The following ALK variants were observed in gnomAD, a reference collection of about 807,000 sequenced individuals.
ALK encodes the protein ALK receptor tyrosine kinase, also known as ALK tyrosine kinase receptor.
Under a neutral mutation model 163.1 loss-of-function variants are expected in ALK, and 74 were observed. The observed-to-expected ratio is 0.45, with a 90% CI of 0.38 to 0.55. ALK has a LOEUF of 0.55. Among genes scored for constraint, ALK ranks in the 20% least tolerant of loss-of-function variants. The pLI, the probability that ALK is intolerant of heterozygous loss-of-function variation, is 0.00. For missense variants in ALK, 2,063 were observed against 2,105.3 expected (o/e 0.98, Z 0.39); for synonymous variants, 960 against 843.2 (o/e 1.14, Z -2.40).
intron 1 of ALK, among the ~76,000 whole-genome samples, chr2:29,860,776 T>C (rs1466687259): frequency 2.0e-5 from 3 of 151,936 alleles, no homozygotes; most frequent in Non-Finnish European, 4.4e-5. Context: ...GAACAACCAA[T>C]GAGTCAAAGA....
intron 3 of ALK, among the ~76,000 whole-genome samples, chr2:29,603,943 CT>C (rs896514922): frequency 6.6e-6 from 1 of 151,944 alleles, no homozygotes; most frequent in African/African-American, 2.4e-5. Context: ...TAATGAGACC[CT>C]TTTTTTTCCT....
chr2:29,684,292 A>G (rs1558440953), intron 3 of ALK, among the ~76,000 whole-genome samples: 1 of 152,212 alleles, frequency 6.6e-6, no homozygotes, highest in Non-Finnish European at 1.5e-5. Context: ...AGACAGCTCC[A>G]CATACTTTTA....
chr2:29,774,119 T>C (rs934677749), intron 1 of ALK, among the ~76,000 whole-genome samples: 7 of 152,254 alleles, frequency 4.6e-5, no homozygotes, highest in African/African-American at 1.7e-4. Flanking sequence ...GGCATTTATA[T>C]AATGCTATCT....
rs199653862 is a variant in ALK, at chr2:29,232,296, C to G, written c.2632+8G>C. The G allele has an allele frequency of 1.9e-6, 3 of 1,614,158 alleles. No individual in the cohort carries two copies. The highest frequency in any genetic ancestry group is 2.2e-5 in the East Asian group (1 of 44,888). ...GTTCTGGGAGAGGGCACGCTTGCAG[C>G]GCTTTACCTGCGGCTCCGGAATTGC... On this transcript the variant is annotated splice_region_variant and intron_variant, in intron 15 of 28. Transcript: ENST00000389048.
intron 1 of ALK, among the ~76,000 whole-genome samples, chr2:29,751,172 T>C (rs974273738): frequency 1.3e-5 from 2 of 151,006 alleles, no homozygotes; most frequent in African/African-American, 4.8e-5. Flanking sequence ...TTACCACGAA[T>C]GAAGCTTGCC....
intron 5 of ALK, among the ~76,000 whole-genome samples, chr2:29,369,033 G>A (rs1404818336): frequency 6.6e-6 from 1 of 152,178 alleles, no homozygotes; most frequent in African/African-American, 2.4e-5. Flanking sequence ...GAAGAGAAAA[G>A]ACTCTTCTCA....
chr2:29,898,802 G>C (rs1057052013), intron 1 of ALK, among the ~76,000 whole-genome samples: 6 of 152,186 alleles, frequency 3.9e-5, no homozygotes, highest in African/African-American at 1.4e-4. Context: ...AGTTTACAGT[G>C]AGGAAGAAGA....
At chr2:29,716,627 T>C (rs1679263042) in intron 2 of ALK, among the ~76,000 whole-genome samples, 1 of 152,098 alleles carries the variant, frequency 6.6e-6, no homozygotes, top group Non-Finnish European at 1.5e-5. Flanking sequence ...GGGGAAGAAG[T>C]CTGGCTTGGT....
intron 1 of ALK, among the ~76,000 whole-genome samples, chr2:29,747,074 G>A (rs768476404): frequency 6.6e-6 from 1 of 152,184 alleles, no homozygotes; most frequent in Non-Finnish European, 1.5e-5. Flanking sequence ...CTAGTTCCAA[G>A]TGTGTGTGTT....
At chr2:29,733,086 C>T (rs1469695830) in intron 1 of ALK, among the ~76,000 whole-genome samples, 2 of 152,022 alleles carry the variant, frequency 1.3e-5, no homozygotes, top group African/African-American at 4.8e-5. Flanking sequence ...GAAGGAAATC[C>T]ACTCTGAGCA....
intron 3 of ALK, among the ~76,000 whole-genome samples, chr2:29,534,123 A>C (rs1350917224): frequency 6.6e-6 from 1 of 152,060 alleles, no homozygotes; most frequent in Non-Finnish European, 1.5e-5. Flanking sequence ...TCTTGGCTGA[A>C]GATTTCCAGC....
intron 4 of ALK, among the ~76,000 whole-genome samples, chr2:29,410,659 G>A (rs943246587): frequency 6.6e-6 from 1 of 152,110 alleles, no homozygotes; most frequent in Non-Finnish European, 1.5e-5. Flanking sequence ...GGTAACACAC[G>A]GTATTTGTGT....
chr2:29,670,815 T>A (rs576010775), intron 3 of ALK, among the ~76,000 whole-genome samples: 16 of 152,090 alleles, frequency 1.1e-4, no homozygotes, highest in Non-Finnish European at 1.9e-4. Context: ...CTTCAGCAAA[T>A]GTATTTCTCA....
At chr2:29,355,243 C>G (rs1668219737) in intron 5 of ALK, among the ~76,000 whole-genome samples, 1 of 152,162 alleles carries the variant, frequency 6.6e-6, no homozygotes, top group South Asian at 2.1e-4. Flanking sequence ...CTACAACACC[C>G]CTGTGAAGAA....
At chr2:29,495,762 A>G (rs1357782260) in intron 4 of ALK, among the ~76,000 whole-genome samples, 1 of 152,198 alleles carries the variant, frequency 6.6e-6, no homozygotes, top group Non-Finnish European at 1.5e-5. Context: ...TATGTAGAAC[A>G]TTGACCCAGA....
intron 4 of ALK, among the ~76,000 whole-genome samples, chr2:29,525,791 C>CAAA (rs61519081): frequency 8.7e-5 from 6 of 69,158 alleles, no homozygotes; most frequent in African/African-American, 3.1e-4. Flanking sequence ...GACTCCATCT[C>CAAA]AAAAAAAAAA....
chr2:29,586,893 G>A (rs1016355925), intron 3 of ALK, among the ~76,000 whole-genome samples: 2 of 152,148 alleles, frequency 1.3e-5, no homozygotes, highest in Non-Finnish European at 2.9e-5. Context: ...CACAATTAAG[G>A]GTGATTATTT....
intron 11 of ALK, among the ~76,000 whole-genome samples, chr2:29,269,303 C>T (rs144373820): frequency 3.3e-5 from 5 of 152,290 alleles, no homozygotes; most frequent in East Asian, 1.9e-4. Context: ...ACCCTGTCAC[C>T]GTCACCAGGT....
chr2:29,197,623 G>T lies in ALK; in HGVS notation c.3992C>A (p.Pro1331His), dbSNP rs370364694. The T allele has an allele frequency of 6.2e-7, 1 of 1,613,814 alleles. No homozygotes were observed. The highest frequency in any genetic ancestry group is 8.5e-7 in the Non-Finnish European group (1 of 1,180,018). ...CAGAACTTCCTGGTTGCTTTTGCTGGGGTATGGCATATATCCAAGAGAAAA... is the reference window on the plus strand; with the variant it reads ...CAGAACTTCCTGGTTGCTTTTGCTGTGGTATGGCATATATCCAAGAGAAAA... ...EIFSLGYMPY[P>H]SKSNQEVLEF... is the part of the protein sequence containing the mutation. The change falls in exon 27 of 29, where the codon CCC (proline) becomes CAC (histidine). Residue 1331 changes from proline to histidine, a missense_variant. Transcript: ENST00000389048.
Sources: gnomAD v4.1 joint callset for allele counts (sites outside exome capture counted in the v4.1 genomes callset) on GRCh38, gnomAD v4.1.1 for gene constraint, MANE v1.5 for transcripts, NCBI Gene and HGNC (gene_info 2026-07-23, HGNC 2026-07-21) for gene names.